AFAP1: variants seen among roughly 807,000 people sequenced by gnomAD.
The protein encoded by AFAP1 is actin filament-associated protein 1.
AFAP1 carries 75 observed loss-of-function variants against 93.9 expected under a neutral mutation model. The observed-to-expected ratio is 0.80, with a 90% CI of 0.66 to 0.97. The LOEUF (loss-of-function observed/expected upper bound fraction) is 0.97. Ranked by LOEUF, AFAP1 falls within the 50% of genes least tolerant of loss-of-function variation. AFAP1 has a pLI of 0.00. For missense variants in AFAP1, 1,201 were observed against 1,050.8 expected, an observed-to-expected ratio of 1.14 and a Z score of -1.98; for synonymous variants, 517 against 430.7, an observed-to-expected ratio of 1.20 and a Z score of -2.48.
chr4:7,795,810 T>C (rs1034309485), intron 10 of AFAP1, among the ~76,000 whole-genome samples: 4 of 152,214 alleles, frequency 2.6e-5, no homozygotes, highest in East Asian at 1.9e-4. Context: ...ATACAATTAA[T>C]ATCTAAGATG....
intron 1 of AFAP1, among the ~76,000 whole-genome samples, chr4:7,889,760 TC>T (rs1718348528): frequency 6.7e-6 from 1 of 149,572 alleles, no homozygotes; most frequent in Non-Finnish European, 1.5e-5. Context: ...TAGTACCACT[TC>T]CAATAGTATT....
At position 7,894,252 on chromosome 4, in the gene AFAP1, T is replaced by G. The variant is rs113676089; in HGVS notation, c.-2-22172A>C. 1.4e-3 allele frequency among the ~76,000 whole-genome samples: 219 copies of G among 152,294 alleles called. 1 individual carries two copies. Among genetic ancestry groups the G allele is most frequent in the African/African-American group, 4.9e-3 (204 of 41,556 alleles). On this transcript the variant is annotated intron_variant, in intron 1 of 17. Coordinates refer to ENST00000420658, the MANE Select transcript of AFAP1 (RefSeq NM_001134647.2). ...ACACAGACACGTCCATTCATTTATG[T>G]ATCACCTACAGCCGTGTTCACACTC...
At chr4:7,811,947 C>T (rs1229922462) in intron 8 of AFAP1, among the ~76,000 whole-genome samples, 1 of 150,818 alleles carries the variant, frequency 6.6e-6, no homozygotes, top group East Asian at 2.0e-4. Context: ...GCCACCCCCA[C>T]CCCTCCTTCC....
intron 11 of AFAP1, among the ~76,000 whole-genome samples, chr4:7,792,551 A>C (rs2149008134): frequency 6.6e-6 from 1 of 152,340 alleles, no homozygotes; most frequent in Non-Finnish European, 1.5e-5. Context: ...AAACATCTGC[A>C]AATGCCTATG....
intron 9 of AFAP1, 70 bp downstream of exon 9, chr4:7,809,544 G>T (rs1358829222): frequency 5.9e-6 from 9 of 1,530,226 alleles, no homozygotes; most frequent in East Asian, 2.3e-5. Context: ...ACTGGGTACC[G>T]ACACCACTGC....
chr4:7,903,260 T>G (rs1188726060), intron 1 of AFAP1, among the ~76,000 whole-genome samples: 2 of 152,172 alleles, frequency 1.3e-5, no homozygotes, highest in African/African-American at 4.8e-5. Flanking sequence ...TATATTTTTG[T>G]AGGTAGAGAC....
rs1399951572 is a variant in AFAP1 at position 7,843,123 on chromosome 4, A to C, written c.546+16T>G. The stretch of plus-strand genomic sequence containing the variant: ...AGCAATCTTACAAAAAATGCAAGCG[A>C]TTCCAAATGTCTTACCAGCAGTTTG... On this transcript the variant is annotated intron_variant, in intron 5 of 17. Coordinates refer to ENST00000420658, the MANE Select transcript of AFAP1 (RefSeq NM_001134647.2). 1 of 1,611,716 alleles carries C rather than the reference A, an allele frequency of 6.2e-7. No homozygotes were observed. Among genetic ancestry groups the C allele is most frequent in the South Asian group, 1.1e-5 (1 of 90,950 alleles).
chr4:7,891,481 C>T (rs1718468255), intron 1 of AFAP1, among the ~76,000 whole-genome samples: 1 of 152,046 alleles, frequency 6.6e-6, no homozygotes, highest in Non-Finnish European at 1.5e-5. Context: ...GTAAATAGAA[C>T]TTTAAGAGAT....
chr4:7,816,135 G>T, intron 7 of AFAP1, 36 bp from the exon 8 acceptor site: 2 of 1,561,984 alleles, frequency 1.3e-6, no homozygotes, highest in South Asian at 2.3e-5. Context: ...TTCTTACAGT[G>T]GTCACTTGGA....
chr4:7,928,416 C>G (rs575913758), intron 1 of AFAP1, among the ~76,000 whole-genome samples: 116 of 152,268 alleles, frequency 7.6e-4, no homozygotes, highest in African/African-American at 2.6e-3. Flanking sequence ...GAGACAGTCT[C>G]TCTCTCTGTC....
intron 6 of AFAP1, among the ~76,000 whole-genome samples, chr4:7,830,155 C>T (rs551410817): frequency 2.0e-5 from 3 of 151,698 alleles, no homozygotes; most frequent in African/African-American, 4.8e-5. Flanking sequence ...TGGGGCGGGG[C>T]GAGGGGGAAG....
At chr4:7,826,911 G>C (rs942920370) in intron 6 of AFAP1, among the ~76,000 whole-genome samples, 2 of 152,154 alleles carry the variant, frequency 1.3e-5, no homozygotes, top group African/African-American at 4.8e-5. Context: ...ATTCAACAGA[G>C]GCAGCCCAAG....
Position 7,781,572 on chromosome 4 carries a change from A to C in AFAP1, c.1586T>G (p.Val529Gly), listed in dbSNP as rs1206317759. The change falls in exon 13 of 18, where the codon GTG becomes GGG. Residue 529 changes from valine (V) to glycine (G), a missense_variant. By Grantham distance (109) the Val-to-Gly change is moderately radical. Transcript: ENST00000420658. ...ASCSRGLGEEVLYDNAGLYDN... is the reference protein window; with the variant it reads ...ASCSRGLGEEGLYDNAGLYDN... ...GTACAGGCCTGCGTTATCATAAAGCACCTCTTCTCCCAAGCCTCTGCTGCA... is the reference window on the plus strand; with the variant it reads ...GTACAGGCCTGCGTTATCATAAAGCCCCTCTTCTCCCAAGCCTCTGCTGCA... The C allele has an allele frequency of 6.4e-7, 1 of 1,551,570 alleles. No individual in the cohort carries two copies. The highest frequency in any genetic ancestry group is 1.7e-4 in the Middle Eastern group (1 of 5,992).
intron 10 of AFAP1, among the ~76,000 whole-genome samples, chr4:7,796,512 G>C (rs1425083180): frequency 6.6e-6 from 1 of 152,152 alleles, no homozygotes; most frequent in Non-Finnish European, 1.5e-5. Flanking sequence ...CACTTTGGGA[G>C]GCCGAGGCGG....
chr4:7,821,588 A>G (rs1474237547), intron 6 of AFAP1, among the ~76,000 whole-genome samples: 1 of 152,196 alleles, frequency 6.6e-6, no homozygotes, highest in Non-Finnish European at 1.5e-5. Flanking sequence ...CAAAACTTAC[A>G]TTCTTAAAAC....
rs562417153 is a variant in AFAP1 at position 7,824,240 on chromosome 4, C to T, written c.727-5069G>A. On this transcript the variant is annotated intron_variant, in intron 6 of 17. Coordinates refer to ENST00000420658, the MANE Select transcript of AFAP1 (RefSeq NM_001134647.2). ...TGGATCCAAATTCAGAATCGCAAAT[C>T]CTCCAAAAAAACAAATTGTTATATA... 2.0e-5 allele frequency among the ~76,000 whole-genome samples: 3 copies of T among 152,288 alleles called. No individual in the cohort carries two copies. The South Asian group carries it at 6.2e-4, about 32-fold the overall frequency.
At chr4:7,849,786 C>A (rs1285042561) in intron 4 of AFAP1, among the ~76,000 whole-genome samples, 1 of 152,198 alleles carries the variant, frequency 6.6e-6, no homozygotes, top group Non-Finnish European at 1.5e-5. Flanking sequence ...CTCACTTTGG[C>A]AATATCATTC....
At chr4:7,893,388 G>A (rs1718583878) in intron 1 of AFAP1, among the ~76,000 whole-genome samples, 1 of 152,084 alleles carries the variant, frequency 6.6e-6, no homozygotes, top group African/African-American at 2.4e-5. Flanking sequence ...AGACCATCCT[G>A]GCTAACATGG....
chr4:7,821,868 A>G (rs774934326), intron 6 of AFAP1, among the ~76,000 whole-genome samples: 1 of 152,180 alleles, frequency 6.6e-6, no homozygotes, highest in Non-Finnish European at 1.5e-5. Flanking sequence ...AAAACAACAG[A>G]GTGATGTCCA....
Sources: gnomAD v4.1 joint callset for allele counts (sites outside exome capture counted in the v4.1 genomes callset) on GRCh38, gnomAD v4.1.1 for gene constraint, MANE v1.5 for transcripts, NCBI Gene and HGNC (gene_info 2026-07-23, HGNC 2026-07-21) for gene names.